Variants in SCNN1A observed in about 807,000 individuals in gnomAD.
SCNN1A encodes the protein epithelial sodium channel subunit alpha.
SCNN1A carries 65 observed loss-of-function variants against 68.6 expected under a neutral mutation model. That is an observed-to-expected ratio of 0.95 (90% CI 0.78 to 1.16). The LOEUF (loss-of-function observed/expected upper bound fraction) is 1.16. Among genes scored for constraint, SCNN1A ranks in the 50% most tolerant of loss-of-function variants. The pLI, the probability that SCNN1A is intolerant of heterozygous loss-of-function variation, is 0.00. For missense variants in SCNN1A, 880 were observed against 865.9 expected, an observed-to-expected ratio of 1.02 and a Z score of -0.20; for synonymous variants, 357 against 353.3, an observed-to-expected ratio of 1.01 and a Z score of -0.12.
At position 6,374,982 on chromosome 12, in the gene SCNN1A, C is replaced by T; in HGVS notation, c.-54-145G>A. 6.4e-7 allele frequency: 1 copy of T among 1,553,252 alleles called. No homozygotes were observed. Among genetic ancestry groups the T allele is most frequent in the Non-Finnish European group, 8.7e-7 (1 of 1,148,684 alleles). ...CCATGTCCCACCCTGCGCCCACATT[C>T]TCCCACTCCTCCCTCCCTCCTCCAC... On this transcript the variant is annotated intron_variant, in intron 1 of 12. Transcript: ENST00000228916. This position sits in a 1 kb window ranked among gnomAD's most constrained non-coding sequence, Gnocchi z 6.2.
chr12:6,362,473 C>T lies in SCNN1A; in HGVS notation c.685-232G>A, dbSNP rs541243090. 2.0e-5 allele frequency among the ~76,000 whole-genome samples: 3 copies of T among 152,262 alleles called. No individual in the cohort carries two copies. The South Asian group carries it at 6.2e-4, about 32-fold the overall frequency. ...CCAGGAAAGGAGACCAGTAGCTGCA[C>T]ACACACGGTTTTGGTTCATTTATAC... On this transcript the variant is annotated intron_variant, in intron 3 of 12. Transcript: ENST00000228916.
chr12:6,363,611 G>C lies in SCNN1A; in HGVS notation c.516C>G (p.Ala172=). Reference sequence around the variant, plus strand: ...GCAGGTCGCGACGGCTGCGGGAGCCGGCCACGAGAGTGGTGAAGGAGCTGT... The same window carrying C: ...GCAGGTCGCGACGGCTGCGGGAGCCCGCCACGAGAGTGGTGAAGGAGCTGT... ...YKYSSFTTLV[A]GSRSRRDLRG... is the part of the protein sequence containing the mutation. The change falls in exon 3 of 13, where the codon GCC becomes GCG. Residue 172 remains alanine, a synonymous_variant. Transcript: ENST00000228916. 1 of 1,612,848 alleles carries C rather than the reference G, an allele frequency of 6.2e-7. No individual in the cohort carries two copies. The highest frequency in any genetic ancestry group is 1.7e-5 in the Admixed American group (1 of 59,906).
At chr12:6,363,840 T>A (rs995526708) in intron 2 of SCNN1A, 130 bp from the exon 3 acceptor site, 44 of 850,686 alleles carry the variant, frequency 5.2e-5, no homozygotes, top group Non-Finnish European at 2.0e-5. Context: ...GGGGCTGGGG[T>A]CGTCGTGGCG....
chr12:6,364,067 C>T (rs1019457058), intron 2 of SCNN1A: 1 of 187,174 alleles, frequency 5.3e-6, no homozygotes, highest in Non-Finnish European at 1.1e-5. Flanking sequence ...GGGCCTCGGC[C>T]TTGGCGTGAC....
chr12:6,355,481 A>C (rs1332577066), intron 5 of SCNN1A, 46 bp from the exon 6 acceptor site: 6 of 1,601,526 alleles, frequency 3.7e-6, no homozygotes, highest in Non-Finnish European at 5.1e-6. Flanking sequence ...GGAATCCTAG[A>C]AAAGAGTTAG....
intron 1 of SCNN1A, chr12:6,375,101 G>A: frequency 2.7e-6 from 4 of 1,507,658 alleles, no homozygotes; most frequent in Non-Finnish European, 3.5e-6. Context: ...CCCTGATAGG[G>A]CCACCTTTCG....
intron 2 of SCNN1A, among the ~76,000 whole-genome samples, chr12:6,364,974 A>T (rs78093878): frequency 0.096 from 14,522 of 151,706 alleles, 1,082 homozygotes; most frequent in African/African-American, 0.21. Flanking sequence ...GATCAGAATA[A>T]GTGGAGATAT....
chr12:6,352,183 C>T (rs1416910255), intron 8 of SCNN1A, among the ~76,000 whole-genome samples: 1 of 152,034 alleles, frequency 6.6e-6, no homozygotes, highest in Admixed American at 6.6e-5. Context: ...AAGCTGTATG[C>T]TTTAAATGAG....
rs771949339 is a variant in SCNN1A at position 6,348,112 on chromosome 12, G to A, written c.1771C>T (p.Arg591Ter). 43 of 1,614,046 alleles carry A rather than the reference G, an allele frequency of 2.7e-5. No individual in the cohort carries two copies. The highest frequency in any genetic ancestry group is 6.7e-5 in the East Asian group (3 of 44,882). The change falls in exon 13 of 13, where the codon CGA becomes TGA. Residue 591 changes from arginine (R) to a stop codon, truncating the protein, a stop_gained. Transcript: ENST00000228916. LOFTEE classifies it low-confidence loss of function (END_TRUNC). ...FLMLLRRFRS[R>*]YWSPGRGGRG... ...CCCCCTCGGCCTGGAGACCAGTATCGGCTTCGGAACCTTCGGAGCAGCATG... is the reference window on the plus strand; with the variant it reads ...CCCCCTCGGCCTGGAGACCAGTATCAGCTTCGGAACCTTCGGAGCAGCATG...
Position 6,351,660 on chromosome 12 carries a change from G to A in SCNN1A, c.1361-2255C>T, listed in dbSNP as rs892386151. ...AAAAAAAAAAAAAGATTCAGAATAG[G>A]CAAATCCATAGAGAGAGAAAGAAAG... On this transcript the variant is annotated intron_variant, in intron 8 of 12. Transcript: ENST00000228916. This position sits in a 1 kb window ranked among gnomAD's most constrained non-coding sequence, Gnocchi z 4.2. 6.6e-6 allele frequency among the ~76,000 whole-genome samples: 1 copy of A among 152,004 alleles called. No homozygotes were observed. Among genetic ancestry groups the A allele is most frequent in the Non-Finnish European group, 1.5e-5 (1 of 67,996 alleles).
intron 2 of SCNN1A, among the ~76,000 whole-genome samples, chr12:6,373,129 GC>G (rs1948822322): frequency 6.6e-6 from 1 of 151,816 alleles, no homozygotes; most frequent in African/African-American, 2.4e-5. Context: ...AAATGACCTG[GC>G]TTTTTTTTTT....
chr12:6,367,587 T>C (rs1456688384), intron 2 of SCNN1A, among the ~76,000 whole-genome samples: 1 of 152,084 alleles, frequency 6.6e-6, no homozygotes, highest in African/African-American at 2.4e-5. Context: ...AACCAGTTGA[T>C]AGAGATAGCA....
In SCNN1A at chr12:6,349,185, T is replaced by C; in HGVS notation, c.1476A>G (p.Arg492=). 6.2e-7 allele frequency: 1 copy of C among 1,613,940 alleles called. No individual in the cohort carries two copies. Among genetic ancestry groups the C allele is most frequent in the Non-Finnish European group, 8.5e-7 (1 of 1,179,934 alleles). Residue 492 remains arginine, a synonymous_variant, in exon 10 of 13, where the codon CGA becomes CGG. Transcript: ENST00000228916. ...CTACCTGGGATGTCACCGAGGGCCA[T>C]CGTGAGTAACCAGCAGAGAGCTGGT... The part of the protein sequence containing the change: ...TSYQLSAGYS[R]WPSVTSQEWV...
At chr12:6,375,397 C>A in intron 1 of SCNN1A, 108 bp downstream of exon 1, 1 of 1,499,186 alleles carries the variant, frequency 6.7e-7, no homozygotes, top group South Asian at 1.3e-5. Flanking sequence ...GACTGCAGGG[C>A]TCCAGGAGGT....
chr12:6,363,819 G>A (rs2136886805), intron 2 of SCNN1A, 109 bp from the exon 3 acceptor site: 1 of 1,130,152 alleles, frequency 8.8e-7, no homozygotes, highest in Non-Finnish European at 1.2e-6. Context: ...CCATCCCGGA[G>A]AAGCCTGGGC....
At chr12:6,364,553 A>G (rs1262532852) in intron 2 of SCNN1A, among the ~76,000 whole-genome samples, 1 of 152,072 alleles carries the variant, frequency 6.6e-6, no homozygotes. Flanking sequence ...CAGGGTATCG[A>G]GACCACCCTG....
intron 4 of SCNN1A, 74 bp downstream of exon 4, chr12:6,361,977 C>T (rs1483332101): frequency 2.7e-6 from 4 of 1,502,990 alleles, no homozygotes; most frequent in Non-Finnish European, 3.7e-6. Flanking sequence ...CTGGGCCCTG[C>T]CCATGCAGGG....
rs201823143 is a variant in SCNN1A at position 6,374,626 on chromosome 12, C to T, written c.158G>A (p.Arg53His). ...AEEEALIEFHRSYRELFEFFC... is the reference protein window; with the variant it reads ...AEEEALIEFHHSYRELFEFFC... The stretch of plus-strand genomic sequence containing the variant: ...GAACTCGAAGAGCTCTCGGTAGGAG[C>T]GGTGGAACTCGATCAGGGCCTCCTC... Residue 53 changes from arginine to histidine, a missense_variant, in exon 2 of 13, where the codon CGC becomes CAC. Coordinates refer to ENST00000228916, the MANE Select transcript of SCNN1A (RefSeq NM_001038.6). This position sits in a 1 kb window ranked among gnomAD's most constrained non-coding sequence, Gnocchi z 6.2. 74 of 1,613,354 alleles carry T rather than the reference C, an allele frequency of 4.6e-5. No homozygotes were observed. Among genetic ancestry groups the T allele is most frequent in the East Asian group, 8.9e-5 (4 of 44,892 alleles).
rs565520255 is a variant in SCNN1A at position 6,355,122 on chromosome 12, C to T, written c.1143+150G>A. ...CCTGCAGGGCTTTACTTCCCAGTGC[C>T]AGCCCCTCTGCCCCTCATTCCTGCT... On this transcript the variant is annotated intron_variant, in intron 6 of 12. Coordinates refer to ENST00000228916, the MANE Select transcript of SCNN1A (RefSeq NM_001038.6). 1.1e-4 allele frequency: 97 copies of T among 916,756 alleles called. 2 individuals are homozygous for T. The South Asian group carries it at 1.3e-3, about 12-fold the overall frequency. 56.8% of individuals were successfully genotyped at this position (916,756 alleles called of 1,614,324 possible).
Sources: allele counts gnomAD v4.1 joint callset (sites outside exome capture counted in the v4.1 genomes callset), GRCh38; gene constraint gnomAD v4.1.1; non-coding constraint Gnocchi (gnomAD v3.1); transcripts MANE v1.5; gene names NCBI Gene and HGNC (gene_info 2026-07-23, HGNC 2026-07-21).